ATRNL1: variants seen among roughly 807,000 people sequenced by gnomAD.
ATRNL1 encodes attractin like 1.
ATRNL1 carries 95 observed loss-of-function variants against 182.7 expected under a neutral mutation model. The ratio of observed to expected loss-of-function variants is 0.52; its 90% CI spans 0.44 to 0.62. The LOEUF (loss-of-function observed/expected upper bound fraction) is 0.62. Among genes scored for constraint, ATRNL1 ranks in the 20% least tolerant of loss-of-function variants. The probability of loss-of-function intolerance (pLI) is 0.00; values close to 1 mark genes in which losing one functional copy is unlikely to be tolerated. For missense variants in ATRNL1, 1,471 were observed against 1,679.5 expected, an observed-to-expected ratio of 0.88 and a Z score of 2.17; for synonymous variants, 576 against 568.3, an observed-to-expected ratio of 1.01 and a Z score of -0.19.
At chr10:115,887,026 A>G (rs2134453558) in intron 28 of ATRNL1, among the ~76,000 whole-genome samples, 1 of 152,286 alleles carries the variant, frequency 6.6e-6, no homozygotes, top group Non-Finnish European at 1.5e-5. Flanking sequence ...ATATTTATTG[A>G]GTGCTAACCA....
At chr10:115,166,372 T>C (rs1847041416) in intron 7 of ATRNL1, among the ~76,000 whole-genome samples, 1 of 152,136 alleles carries the variant, frequency 6.6e-6, no homozygotes, top group Non-Finnish European at 1.5e-5. Context: ...AACATGTGTG[T>C]ACAACTATCT....
chr10:115,120,307 C>A, intron 2 of ATRNL1, 39 bp downstream of exon 2: 1 of 1,075,226 alleles, frequency 9.3e-7, no homozygotes, highest in Non-Finnish European at 1.4e-6. Context: ...GTATTTTATT[C>A]TTAAATGATA....
intron 9 of ATRNL1, among the ~76,000 whole-genome samples, chr10:115,219,615 A>AT (rs1849367142): frequency 6.6e-6 from 1 of 152,206 alleles, no homozygotes; most frequent in Admixed American, 6.5e-5. Flanking sequence ...AAAAGTTCAC[A>AT]TAATAGTCTG....
chr10:115,242,352 A>G (rs1349231265), intron 10 of ATRNL1, among the ~76,000 whole-genome samples: 2 of 151,950 alleles, frequency 1.3e-5, no homozygotes, highest in African/African-American at 2.4e-5. Context: ...AATCCTATCA[A>G]TTTCTGAATA....
intron 27 of ATRNL1, among the ~76,000 whole-genome samples, chr10:115,780,156 G>GGAGA (rs1335612874): frequency 1.3e-5 from 2 of 152,154 alleles, no homozygotes; most frequent in African/African-American, 4.8e-5. Flanking sequence ...ATGGGGAGAG[G>GGAGA]GAGAGCACAG....
At chr10:115,367,759 T>A (rs2134181794) in intron 19 of ATRNL1, among the ~76,000 whole-genome samples, 1 of 93,562 alleles carries the variant, frequency 1.1e-5, no homozygotes, top group Middle Eastern at 6.1e-3. Flanking sequence ...CAGCTGCAGG[T>A]CTGTTGGAAT....
intron 26 of ATRNL1, among the ~76,000 whole-genome samples, chr10:115,568,537 C>A (rs781858470): frequency 6.6e-6 from 1 of 151,758 alleles, no homozygotes; most frequent in Non-Finnish European, 1.5e-5. Flanking sequence ...TCTTAAATGT[C>A]TTTGCCAGAA....
At chr10:115,688,120 T>C (rs1946277315) in intron 26 of ATRNL1, among the ~76,000 whole-genome samples, 1 of 152,126 alleles carries the variant, frequency 6.6e-6, no homozygotes, top group South Asian at 2.1e-4. Flanking sequence ...TCCAGTTCCA[T>C]CCATGTTGCT....
At chr10:115,818,036 A>C (rs1950206867) in intron 27 of ATRNL1, among the ~76,000 whole-genome samples, 1 of 151,992 alleles carries the variant, frequency 6.6e-6, no homozygotes, top group South Asian at 2.1e-4. Flanking sequence ...TTTATTACAC[A>C]GTACTCGTTC....
chr10:115,432,873 C>A (rs1846234525), intron 21 of ATRNL1, among the ~76,000 whole-genome samples: 1 of 151,290 alleles, frequency 6.6e-6, no homozygotes. Flanking sequence ...ACAAAGAAAA[C>A]CTTAAAAATG....
At chr10:115,657,393 T>C (rs1313156374) in intron 26 of ATRNL1, among the ~76,000 whole-genome samples, 1 of 152,150 alleles carries the variant, frequency 6.6e-6, no homozygotes, top group Non-Finnish European at 1.5e-5. Context: ...TTTGAAAGGA[T>C]AAATGGCTCA....
intron 28 of ATRNL1, among the ~76,000 whole-genome samples, chr10:115,879,783 G>GGAAA (rs1258410106): frequency 6.6e-6 from 1 of 152,182 alleles, no homozygotes; most frequent in African/African-American, 2.4e-5. Context: ...GTGGCTGCAA[G>GGAAA]GAAAGCATTT....
chr10:115,719,007 T>C (rs971034342), intron 26 of ATRNL1, among the ~76,000 whole-genome samples: 17 of 152,178 alleles, frequency 1.1e-4, no homozygotes, highest in Non-Finnish European at 1.0e-4. Context: ...TTCATTCAAT[T>C]AATTATTACA....
chr10:115,710,858 G>A (rs998220230), intron 26 of ATRNL1, among the ~76,000 whole-genome samples: 2 of 152,072 alleles, frequency 1.3e-5, no homozygotes, highest in Admixed American at 1.3e-4. Context: ...AAAGGGTAAA[G>A]CTATAAGTGA....
intron 27 of ATRNL1, among the ~76,000 whole-genome samples, chr10:115,760,236 T>C (rs1366676841): frequency 2.6e-5 from 4 of 152,116 alleles, no homozygotes; most frequent in East Asian, 1.9e-4. Flanking sequence ...GTTTTGTTTT[T>C]GGTTTTACAA....
At chr10:115,830,349 G>A (rs1182249933) in intron 27 of ATRNL1, among the ~76,000 whole-genome samples, 3 of 152,146 alleles carry the variant, frequency 2.0e-5, no homozygotes, top group African/African-American at 4.8e-5. Context: ...TAGAAATTCA[G>A]CAAGATCAAC....
At chr10:115,117,162 T>C (rs1200676158) in intron 1 of ATRNL1, among the ~76,000 whole-genome samples, 1 of 152,032 alleles carries the variant, frequency 6.6e-6, no homozygotes, top group Non-Finnish European at 1.5e-5. Context: ...TCATGGAAGA[T>C]AGGGTATTTA....
intron 27 of ATRNL1, among the ~76,000 whole-genome samples, chr10:115,798,158 C>T (rs1162401692): frequency 6.6e-6 from 1 of 152,224 alleles, no homozygotes; most frequent in Non-Finnish European, 1.5e-5. Flanking sequence ...ACCTTGTGAT[C>T]CGCCCACCTC....
chr10:115,124,921 A>G (rs1844899319), intron 3 of ATRNL1, among the ~76,000 whole-genome samples: 1 of 152,236 alleles, frequency 6.6e-6, no homozygotes, highest in African/African-American at 2.4e-5. Context: ...TGTTACAATC[A>G]GGTTATGAAG....
Sources: gnomAD v4.1 joint callset for allele counts (sites outside exome capture counted in the v4.1 genomes callset) on GRCh38, gnomAD v4.1.1 for gene constraint, MANE v1.5 for transcripts, NCBI Gene and HGNC (gene_info 2026-07-23, HGNC 2026-07-21) for gene names.